Variants in NOSTRIN observed in about 807,000 individuals in gnomAD.
NOSTRIN encodes the protein BM247 homolog.
In NOSTRIN, 63 loss-of-function variants were observed where a neutral mutation model predicts 59.0. The observed-to-expected ratio is 1.07, with a 90% CI of 0.87 to 1.32. The LOEUF (loss-of-function observed/expected upper bound fraction) is 1.32. NOSTRIN is among the 40% of genes most tolerant of loss of function. The pLI is 0.00. For missense variants in NOSTRIN, 512 were observed against 473.1 expected (o/e 1.08, Z -0.76); for synonymous variants, 200 against 165.4 (o/e 1.21, Z -1.61).
intron 1 of NOSTRIN, chr2:168,786,920 G>A (rs1422648498): frequency 6.6e-6 from 1 of 151,946 alleles, no homozygotes; most frequent in African/African-American, 2.4e-5. Flanking sequence ...GTAGAGACGG[G>A]GTTTCACCAT....
chr2:168,864,115 G>A (rs972786005), intron 15 of NOSTRIN, among the ~76,000 whole-genome samples: 6 of 151,940 alleles, frequency 3.9e-5, no homozygotes, highest in Non-Finnish European at 8.8e-5. Context: ...CTACAGGCGT[G>A]TGCCACCATG....
intron 1 of NOSTRIN, among the ~76,000 whole-genome samples, chr2:168,810,633 G>A (rs1236480652): frequency 6.6e-6 from 1 of 152,186 alleles, no homozygotes; most frequent in Non-Finnish European, 1.5e-5. Context: ...CTGGCTCATT[G>A]TATGAGCAAA....
chr2:168,856,628 C>G, intron 11 of NOSTRIN, 62 bp from the exon 12 acceptor site: 3 of 1,469,912 alleles, frequency 2.0e-6, no homozygotes, highest in Non-Finnish European at 2.9e-6. Context: ...GAGCGACCGA[C>G]TCCTGGCTGT....
intron 2 of NOSTRIN, among the ~76,000 whole-genome samples, chr2:168,820,820 A>C (rs2105593576): frequency 6.6e-6 from 1 of 152,146 alleles, no homozygotes; most frequent in African/African-American, 2.4e-5. Flanking sequence ...AAACTTAACA[A>C]CATAAAGGAA....
At chr2:168,844,216 G>GC (rs982564588) in intron 8 of NOSTRIN, among the ~76,000 whole-genome samples, 2 of 152,142 alleles carry the variant, frequency 1.3e-5, no homozygotes, top group African/African-American at 4.8e-5. Context: ...CAGAAATGGA[G>GC]CCCATGGTGG....
intron 8 of NOSTRIN, among the ~76,000 whole-genome samples, chr2:168,846,891 C>T (rs369112517): frequency 6.6e-6 from 1 of 152,192 alleles, no homozygotes; most frequent in East Asian, 1.9e-4. Flanking sequence ...CAACTCATTA[C>T]ATAAAATGGA....
chr2:168,810,526 C>T (rs1323928600), intron 1 of NOSTRIN, among the ~76,000 whole-genome samples: 1 of 152,172 alleles, frequency 6.6e-6, no homozygotes, highest in Admixed American at 6.5e-5. Flanking sequence ...GTGCCTGCTG[C>T]AATAGGAGGC....
chr2:168,808,055 T>C (rs1685951647), intron 1 of NOSTRIN, among the ~76,000 whole-genome samples: 2 of 152,186 alleles, frequency 1.3e-5, no homozygotes, highest in South Asian at 4.1e-4. Context: ...TGGCCTAGCC[T>C]CCTAAAACTA....
At chr2:168,829,663 A>G (rs548656851) in intron 5 of NOSTRIN, among the ~76,000 whole-genome samples, 1 of 152,144 alleles carries the variant, frequency 6.6e-6, no homozygotes, top group Non-Finnish European at 1.5e-5. Context: ...TTCGTTGTGT[A>G]TTATTCAGTA....
chr2:168,843,032 AGG>A lies in NOSTRIN; in HGVS notation c.546_547del (p.Glu183ArgfsTer2), dbSNP rs1485620814. On this transcript the variant is annotated frameshift_variant, in exon 8 of 16. Transcript: ENST00000317647. LOFTEE classifies it high-confidence loss of function. ...ACAAAATCAACTGAAAAGTTGGAAA[AGG>A]AAGATGAAAATTACTACCAAAAAAA... 2 of 872,692 alleles carry A rather than the reference AGG, an allele frequency of 2.3e-6. No individual in the cohort carries two copies. Among genetic ancestry groups the A allele is most frequent in the Admixed American group, 3.4e-5 (2 of 59,162 alleles). The allele number at this position is 872,692 out of a possible 1,614,324, so 54.1% of individuals were successfully genotyped here. A position where few individuals can be genotyped will look rare whatever the true frequency, so the allele number is the denominator to read the frequency against.
chr2:168,801,537 TTGAATGGAGCCTGCACACCAGGGGCAGG>T (rs1181148314), upstream of NOSTRIN, among the ~76,000 whole-genome samples: 2 of 152,120 alleles, frequency 1.3e-5, no homozygotes, highest in African/African-American at 4.8e-5. Flanking sequence ...TCTAGGGACT[TTGAATGGAGCCTGCACACCAGGGGCAGG>T]TGAATGGAGG....
At chr2:168,820,000 G>A (rs1024092780) in intron 2 of NOSTRIN, among the ~76,000 whole-genome samples, 1 of 152,154 alleles carries the variant, frequency 6.6e-6, no homozygotes, top group Non-Finnish European at 1.5e-5. Context: ...TGTGAATTGG[G>A]ACTCCAGCTA....
chr2:168,810,825 GCTTCTC>G (rs1414440463), intron 1 of NOSTRIN, among the ~76,000 whole-genome samples: 3 of 152,098 alleles, frequency 2.0e-5, no homozygotes, highest in Admixed American at 6.6e-5. Flanking sequence ...TTGACATTTA[GCTTCTC>G]TGTTTGGGCA....
chr2:168,829,287 C>G (rs1340258067), intron 5 of NOSTRIN, among the ~76,000 whole-genome samples: 2 of 137,172 alleles, frequency 1.5e-5, no homozygotes, highest in African/African-American at 5.2e-5. Flanking sequence ...CCCTTCCTTT[C>G]TTCCTTCCTT....
upstream of NOSTRIN, among the ~76,000 whole-genome samples, chr2:168,793,773 T>C (rs188888041): frequency 6.6e-6 from 1 of 152,332 alleles, no homozygotes; most frequent in Admixed American, 6.5e-5. Flanking sequence ...CCAAGCCTCA[T>C]GAACTATAAG....
chr2:168,815,985 C>T (rs1156635391), intron 2 of NOSTRIN, among the ~76,000 whole-genome samples: 1 of 152,186 alleles, frequency 6.6e-6, no homozygotes, highest in African/African-American at 2.4e-5. Context: ...CTTTGAAACC[C>T]CTTTGAGATC....
chr2:168,802,337 C>T (rs1574252202), upstream of NOSTRIN: 1 of 319,622 alleles, frequency 3.1e-6, no homozygotes, highest in Non-Finnish European at 6.0e-6. Flanking sequence ...TTGTTGGAGA[C>T]ATGTTACAGC....
intron 12 of NOSTRIN, among the ~76,000 whole-genome samples, chr2:168,856,984 C>T (rs1689165725): frequency 6.6e-6 from 1 of 152,030 alleles, no homozygotes; most frequent in South Asian, 2.1e-4. Flanking sequence ...CTTTGGTGTC[C>T]TAGGAAAAGA....
Position 168,864,970 on chromosome 2 carries a change from A to AAAC in NOSTRIN, c.*3_*5dup. 1 of 1,614,034 alleles carries AAAC rather than the reference A, an allele frequency of 6.2e-7. No homozygotes were observed. The highest frequency in any genetic ancestry group is 8.5e-7 in the Non-Finnish European group (1 of 1,179,998). On this transcript the variant is annotated 3_prime_UTR_variant, in exon 16 of 16. Transcript: ENST00000317647. ...CTGGCAACACAGCTACAAAGGCATA[A>AAAC]AACAAGACTCTGAACATACTACCTT...
Sources: gnomAD v4.1 joint callset for allele counts (sites outside exome capture counted in the v4.1 genomes callset) on GRCh38, gnomAD v4.1.1 for gene constraint, MANE v1.5 for transcripts, NCBI Gene and HGNC (gene_info 2026-07-23, HGNC 2026-07-21) for gene names.